Variants in BAZ1B observed in about 807,000 individuals in gnomAD.
The protein encoded by BAZ1B is bromodomain adjacent to zinc finger domain 1B.
A neutral mutation model predicts 153.8 loss-of-function variants in BAZ1B; 22 were observed. The ratio of observed to expected loss-of-function variants is 0.14; its 90% confidence interval spans 0.10 to 0.20. The LOEUF (loss-of-function observed/expected upper bound fraction) is 0.20, where lower values mean the gene tolerates loss of function less well. Ranked by LOEUF, BAZ1B falls within the 10% of genes least tolerant of loss-of-function variation. The pLI is 1.00. For synonymous variants in BAZ1B, 676 were observed against 633.4 expected, an observed-to-expected ratio of 1.07 and a Z score of -1.01; for missense variants, 1,325 against 1,799.3, an observed-to-expected ratio of 0.74 and a Z score of 4.77.
rs913439757 is a variant in BAZ1B, at chr7:73,450,713, C to T, written c.3580+134G>A. ...ATTTCAAAGACTGGCATGTTACAGA[C>T]CTGCAGGAGAGTAAAATCTATACCA... On this transcript the variant is annotated intron_variant, in intron 14 of 19. Transcript: ENST00000339594. The surrounding 1 kb of genome is among the most constrained non-coding windows in gnomAD (Gnocchi z 4.1). 1 of 1,021,200 alleles carries T rather than the reference C, an allele frequency of 9.8e-7. No homozygotes were observed. The highest frequency in any genetic ancestry group is 1.6e-5 in the African/African-American group (1 of 61,658). The allele number at this position is 1,021,200 out of a possible 1,614,324, so 63.3% of individuals were successfully genotyped here.
rs539303538 is a variant in BAZ1B at position 73,505,813 on chromosome 7, A to C, written c.369+2514T>G. Among the ~76,000 whole-genome samples, 320 of 152,306 alleles carry C rather than the reference A, an allele frequency of 2.1e-3. 2 individuals are homozygous for C. In the Middle Eastern group the frequency reaches 0.024, roughly 11 times the overall value. On this transcript the variant is annotated intron_variant, in intron 3 of 19. Coordinates refer to ENST00000339594, the MANE Select transcript of BAZ1B (RefSeq NM_032408.4). ...TGATCTGCCCACCTTGGTCTCCCAA[A>C]GTGCTGGTACTACAGGCCTGAGCCA...
intron 4 of BAZ1B, among the ~76,000 whole-genome samples, chr7:73,496,014 T>C (rs1789866333): frequency 6.6e-6 from 1 of 152,030 alleles, no homozygotes; most frequent in South Asian, 2.1e-4. Flanking sequence ...CGTTAAAAAA[T>C]AAATAAATAT....
intron 7 of BAZ1B, among the ~76,000 whole-genome samples, chr7:73,472,515 C>A (rs1554572141): frequency 6.6e-6 from 1 of 152,208 alleles, no homozygotes; most frequent in Non-Finnish European, 1.5e-5. Context: ...ACCTCAGCCT[C>A]CCCAAGTGCT....
intron 13 of BAZ1B, among the ~76,000 whole-genome samples, chr7:73,451,759 C>G (rs1468411044): frequency 7.9e-5 from 12 of 152,248 alleles, no homozygotes; most frequent in African/African-American, 2.7e-4. Context: ...TCCTTCCTTA[C>G]TTTTGCAGAG....
In BAZ1B at chr7:73,442,834, A is replaced by G. The variant is rs782262449; in HGVS notation, c.3991-6T>C. The G allele has an allele frequency of 1.9e-6, 3 of 1,608,188 alleles. No homozygotes were observed. Among genetic ancestry groups the G allele is most frequent in the Non-Finnish European group, 1.7e-6 (2 of 1,175,228 alleles). On this transcript the variant is annotated splice_polypyrimidine_tract_variant and splice_region_variant and intron_variant, in intron 17 of 19. Coordinates refer to ENST00000339594, the MANE Select transcript of BAZ1B (RefSeq NM_032408.4). ...CTCCGCTTGGTCTGAAGCACCTGGCAGGAAAGAAAGAACAATGTTATTACA... is the reference window on the plus strand; with the variant it reads ...CTCCGCTTGGTCTGAAGCACCTGGCGGGAAAGAAAGAACAATGTTATTACA...
chr7:73,447,245 AGG>A lies in BAZ1B; in HGVS notation c.3844+17_3844+18del. 1 of 1,613,260 alleles carries A rather than the reference AGG, an allele frequency of 6.2e-7. No individual in the cohort carries two copies. The highest frequency in any genetic ancestry group is 1.3e-5 in the African/African-American group (1 of 75,028). ...TAGAAGACTGTGAAATCAACTACAAAGGCAGACAAAATACTTACATCGCAAAC... is the reference window on the plus strand; with the variant it reads ...TAGAAGACTGTGAAATCAACTACAAACAGACAAAATACTTACATCGCAAAC... On this transcript the variant is annotated intron_variant, in intron 16 of 19. Transcript: ENST00000339594.
chr7:73,491,629 CCTAA>C (rs1789647556), intron 5 of BAZ1B, among the ~76,000 whole-genome samples: 1 of 151,874 alleles, frequency 6.6e-6, no homozygotes, highest in South Asian at 2.1e-4. Context: ...AAAAAAAAAT[CCTAA>C]CAACCCAGCC....
intron 6 of BAZ1B, among the ~76,000 whole-genome samples, chr7:73,484,729 C>T (rs1554574244): frequency 1.3e-5 from 2 of 152,160 alleles, no homozygotes; most frequent in African/African-American, 4.8e-5. Context: ...ACTAAGAATA[C>T]ATCAATTCTT....
chr7:73,500,566 A>C (rs1790085419), intron 3 of BAZ1B, among the ~76,000 whole-genome samples: 1 of 151,770 alleles, frequency 6.6e-6, no homozygotes, highest in Admixed American at 6.6e-5. Context: ...AAAATAAAAA[A>C]ACTCTACAAA....
In BAZ1B at chr7:73,521,860, A is replaced by G; in HGVS notation, c.74T>C (p.Ile25Thr). The G allele has an allele frequency of 6.6e-7, 1 of 1,510,002 alleles. No homozygotes were observed. Among genetic ancestry groups the G allele is most frequent in the Non-Finnish European group, 8.9e-7 (1 of 1,125,292 alleles). The allele number at this position is 1,510,002 out of a possible 1,614,324, so 93.5% of individuals were successfully genotyped here. ...PLPGEEPLFT[I>T]PHTQEAFRTR... ...GCGGAAGGCCTCCTGAGTGTGCGGG[A>G]TGGTGAAGAGCGGCTCCTCTCCGGG... The change falls in exon 1 of 20, where the codon ATC (isoleucine) becomes ACC (threonine). Residue 25 changes from isoleucine (I) to threonine (T), a missense_variant. By Grantham distance (89) the Ile-to-Thr change is moderately conservative. Coordinates refer to ENST00000339594, the MANE Select transcript of BAZ1B (RefSeq NM_032408.4).
At chr7:73,442,660 C>T in intron 18 of BAZ1B, 65 bp downstream of exon 18, 1 of 1,565,500 alleles carries the variant, frequency 6.4e-7, no homozygotes, top group Non-Finnish European at 8.7e-7. Context: ...CCCTCAGGGG[C>T]TCTGGAAGCT....
intron 12 of BAZ1B, among the ~76,000 whole-genome samples, chr7:73,461,768 CTG>C (rs1285004014): frequency 1.3e-5 from 2 of 152,172 alleles, no homozygotes; most frequent in African/African-American, 2.4e-5. Flanking sequence ...GCAAATGAAA[CTG>C]TTCATAAAAA....
intron 18 of BAZ1B, 38 bp from the exon 19 acceptor site, chr7:73,442,591 T>C: frequency 3.2e-6 from 5 of 1,579,586 alleles, no homozygotes; most frequent in Non-Finnish European, 4.3e-6. Context: ...TGCACAGCCT[T>C]GACGGCAGTG....
In BAZ1B at chr7:73,486,536, C is replaced by T. The variant is rs1438223484; in HGVS notation, c.891+2658G>A. Among the ~76,000 whole-genome samples the T allele has an allele frequency of 4.6e-5, 7 of 152,136 alleles. No individual in the cohort carries two copies. In the East Asian group the frequency reaches 1.3e-3, roughly 29 times the overall value. ...AGAGACGGGGTTTCACCATGTCAGC[C>T]AGGATGGTCTCGATCTCCTGACCTC... On this transcript the variant is annotated intron_variant, in intron 6 of 19. Coordinates refer to ENST00000339594, the MANE Select transcript of BAZ1B (RefSeq NM_032408.4).
chr7:73,441,402 G>A lies in BAZ1B; in HGVS notation c.*307C>T, dbSNP rs1470156871. ...TCCCCTAAGAGCTTGACTGGTATGT[G>A]GGTGGGCTGGGCTCCAACACCCCTC... On this transcript the variant is annotated 3_prime_UTR_variant, in exon 20 of 20. Transcript: ENST00000339594. 6.6e-6 allele frequency: 1 copy of A among 152,358 alleles called. No homozygotes were observed. Among genetic ancestry groups the A allele is most frequent in the Non-Finnish European group, 1.5e-5 (1 of 68,028 alleles). 9.4% of individuals were successfully genotyped at this position (152,358 alleles called of 1,614,324 possible).
At chr7:73,441,907 AG>A (rs1400208902) in intron 19 of BAZ1B, 2 of 438,982 alleles carry the variant, frequency 4.6e-6, no homozygotes, top group South Asian at 4.4e-5. Context: ...GAAAGAAGGC[AG>A]GAACAGGAAC....
rs781831392 is a variant in BAZ1B, at chr7:73,459,710, T to C, written c.3258A>G (p.Ser1086=). The C allele has an allele frequency of 2.4e-5, 39 of 1,604,036 alleles. No individual in the cohort carries two copies. In the Middle Eastern group the frequency reaches 8.3e-4, roughly 34 times the overall value. The change falls in exon 13 of 20, where the codon TCA becomes TCG. Residue 1086 remains serine, a synonymous_variant. Coordinates refer to ENST00000339594, the MANE Select transcript of BAZ1B (RefSeq NM_032408.4). ...ETSEFEARVI[S]LEKLKDFGEC... The stretch of plus-strand genomic sequence containing the variant: ...CACCAAAATCCTTCAATTTCTCTAA[T>C]GAAATGACCTATAGGAAAGGATTTT...
chr7:73,498,532 A>G lies in BAZ1B; in HGVS notation c.536T>C (p.Val179Ala). 6.2e-7 allele frequency: 1 copy of G among 1,613,982 alleles called. No individual in the cohort carries two copies. Among genetic ancestry groups the G allele is most frequent in the Non-Finnish European group, 8.5e-7 (1 of 1,179,940 alleles). ...TCTCCTTCCTTCATCCTCTTTCACA[A>G]CTGTCTCCTTCTTCTGATGGTCCTG... ...IAQDHQKKET[V>A]VKEDEGRRES... Residue 179 changes from valine to alanine, a missense_variant, in exon 4 of 20, where the codon GTT becomes GCT. Val to Ala is a moderately conservative substitution (Grantham distance 64). This residue lies in a region of BAZ1B where 153 missense variants were observed against 204.8 expected (regional missense o/e 0.75). Transcript: ENST00000339594.
rs150580619 is a variant in BAZ1B at position 73,452,169 on chromosome 7, A to AT, written c.3433-1176dup. 2.6e-4 allele frequency among the ~76,000 whole-genome samples: 39 copies of AT among 152,302 alleles called. No homozygotes were observed. The East Asian group carries it at 7.3e-3, about 29-fold the overall frequency. On this transcript the variant is annotated intron_variant, in intron 13 of 19. Transcript: ENST00000339594. The stretch of plus-strand genomic sequence containing the variant: ...TTAACCTCGTTTTTTTAAAAAACAG[A>AT]TTTTAAATAGTATCATACAATAATA...
Sources: gnomAD v4.1 joint callset for allele counts (sites outside exome capture counted in the v4.1 genomes callset) on GRCh38, gnomAD v4.1.1 for gene constraint, gnomAD v4.1.1 regional missense constraint, Gnocchi (gnomAD v3.1) non-coding constraint, MANE v1.5 for transcripts, NCBI Gene and HGNC (gene_info 2026-07-23, HGNC 2026-07-21) for gene names.